Variants in AKAP9 observed in about 807,000 individuals in gnomAD.
AKAP9 encodes A-kinase anchoring protein 9.
In AKAP9, 311 loss-of-function variants were observed where a neutral mutation model predicts 488.5. The ratio of observed to expected loss-of-function variants is 0.64; its 90% CI spans 0.58 to 0.70. The LOEUF (loss-of-function observed/expected upper bound fraction) is 0.70. Among genes scored for constraint, AKAP9 ranks in the 30% least tolerant of loss-of-function variants. The pLI, the probability that AKAP9 is intolerant of heterozygous loss-of-function variation, is 0.00. For missense variants in AKAP9, 4,215 were observed against 4,374.5 expected (o/e 0.96, Z 1.03); for synonymous variants, 1,462 against 1,483.5 (o/e 0.99, Z 0.33).
rs1443327042 is a variant in AKAP9, at chr7:92,100,881, G to A, written c.10922G>A (p.Gly3641Asp). 2 of 1,614,004 alleles carry A rather than the reference G, an allele frequency of 1.2e-6. No homozygotes were observed. Among genetic ancestry groups the A allele is most frequent in the African/African-American group, 1.3e-5 (1 of 74,912 alleles). ...TCTTCCAGGTTTTCATTGAATGGTG[G>A]TGCCAACATTGAAGCCATCATTGCC... ...DNSSRFSLNG[G>D]ANIEAIIASE... Residue 3641 changes from glycine (G) to aspartate (D), a missense_variant, in exon 45 of 50, where the codon GGT becomes GAT. Gly to Asp is a moderately conservative substitution (Grantham distance 94). Transcript: ENST00000356239.
At chr7:92,082,393 G>T in intron 31 of AKAP9, 129 bp from the exon 32 acceptor site, 2 of 934,440 alleles carry the variant, frequency 2.1e-6, no homozygotes, top group Non-Finnish European at 3.3e-6. Context: ...AAAGAGCATT[G>T]ATTTGTTCCA....
intron 3 of AKAP9, among the ~76,000 whole-genome samples, chr7:91,980,796 G>A (rs999656981): frequency 2.6e-5 from 4 of 151,818 alleles, no homozygotes; most frequent in Non-Finnish European, 4.4e-5. Context: ...TAAAGGTATT[G>A]TCCACTTTAG....
chr7:92,102,173 A>T (rs1276567081), intron 45 of AKAP9, among the ~76,000 whole-genome samples: 1 of 116,676 alleles, frequency 8.6e-6, no homozygotes, highest in Non-Finnish European at 1.8e-5. Flanking sequence ...TAAAAAAAAA[A>T]TAAATAAATA....
Position 92,065,269 on chromosome 7 carries a change from C to G in AKAP9, c.6016C>G (p.Leu2006Val). 1 of 1,611,656 alleles carries G rather than the reference C, an allele frequency of 6.2e-7. No homozygotes were observed. Among genetic ancestry groups the G allele is most frequent in the Non-Finnish European group, 8.5e-7 (1 of 1,178,916 alleles). ...GACAGAAAAATTAATGAAGGAAAAA[C>G]TAGAAGTACAATGTCAAGCTGAAAA... is the stretch of plus-strand genomic sequence containing the variant. ...QETEKLMKEK[L>V]EVQCQAEKVR... Residue 2006 changes from leucine (L) to valine (V), a missense_variant, in exon 25 of 50, where the codon CTA becomes GTA. Around this residue, in one of 5 missense-constraint regions of AKAP9, gnomAD observed 2,361 missense variants for 2,430.0 expected, o/e 0.97. Transcript: ENST00000356239.
At chr7:92,009,891 T>C (rs1054964865) in intron 8 of AKAP9, among the ~76,000 whole-genome samples, 8 of 152,180 alleles carry the variant, frequency 5.3e-5, no homozygotes, top group African/African-American at 1.9e-4. Flanking sequence ...TATTTTGTTT[T>C]GTTTTTGAGA....
chr7:92,082,722 A>G, intron 32 of AKAP9, 60 bp downstream of exon 32: 1 of 1,559,476 alleles, frequency 6.4e-7, no homozygotes, highest in Admixed American at 1.7e-5. Flanking sequence ...TTACGTTTCA[A>G]AGTATATACT....
At chr7:92,027,174 C>CAT (rs1803362205) in intron 14 of AKAP9, among the ~76,000 whole-genome samples, 3 of 142,764 alleles carry the variant, frequency 2.1e-5, no homozygotes, top group African/African-American at 7.9e-5. Flanking sequence ...CCCAGCTGCC[C>CAT]CGTCTGGGAA....
intron 1 of AKAP9, among the ~76,000 whole-genome samples, chr7:91,941,872 C>T (rs1046316818): frequency 1.6e-5 from 2 of 123,952 alleles, no homozygotes; most frequent in Admixed American, 8.8e-5. Context: ...ATCTCTCTGG[C>T]GAATCCTGGT....
At chr7:92,040,379 C>G (rs1805865396) in intron 17 of AKAP9, among the ~76,000 whole-genome samples, 1 of 151,962 alleles carries the variant, frequency 6.6e-6, no homozygotes, top group African/African-American at 2.4e-5. Context: ...TAGAAGGAAT[C>G]TTAAGTATCT....
rs1195590624 is a variant in AKAP9 at position 92,018,441 on chromosome 7, C to CAG, written c.3837+1343_3837+1344dup. On this transcript the variant is annotated intron_variant, in intron 12 of 49. Transcript: ENST00000356239. ...ACACACACACACACACACACACACACAGAGAAATATTCAAAACTAAATGTT... is the reference window on the plus strand; with the variant it reads ...ACACACACACACACACACACACACACAGAGAGAAATATTCAAAACTAAATGTT... 2.1e-3 allele frequency among the ~76,000 whole-genome samples: 130 copies of CAG among 60,558 alleles called. 1 individual carries two copies. Among genetic ancestry groups the CAG allele is most frequent in the Non-Finnish European group, 3.6e-3 (93 of 25,658 alleles). The allele number at this position is 60,558 out of a possible 152,430, so 39.7% of individuals were successfully genotyped here.
intron 18 of AKAP9, chr7:92,041,099 G>T: frequency 1.9e-6 from 1 of 527,960 alleles, no homozygotes; most frequent in Non-Finnish European, 3.3e-6. Context: ...ATCTTGTTAG[G>T]GACACCTATC....
chr7:92,057,187 A>G (rs1808932736), intron 22 of AKAP9, among the ~76,000 whole-genome samples: 1 of 152,106 alleles, frequency 6.6e-6, no homozygotes, highest in African/African-American at 2.4e-5. Flanking sequence ...GTTATAACTG[A>G]AATGTCTATA....
At chr7:91,992,389 C>T (rs556374274) in intron 4 of AKAP9, among the ~76,000 whole-genome samples, 178 bp downstream of exon 4, 8 of 152,120 alleles carry the variant, frequency 5.3e-5, no homozygotes, top group South Asian at 2.1e-4. Flanking sequence ...GTAGGCCAGG[C>T]GTGGTGGCTT....
At chr7:91,944,301 C>CT (rs1460226255) in intron 1 of AKAP9, among the ~76,000 whole-genome samples, 2 of 151,770 alleles carry the variant, frequency 1.3e-5, no homozygotes, top group Non-Finnish European at 2.9e-5. Flanking sequence ...TGGGTGGTGG[C>CT]TTATAGGCAA....
intron 28 of AKAP9, among the ~76,000 whole-genome samples, chr7:92,076,475 C>G (rs1385105994): frequency 6.6e-6 from 1 of 152,168 alleles, no homozygotes; most frequent in Non-Finnish European, 1.5e-5. Context: ...ACAAACAGTT[C>G]TACAACTTTT....
rs575518454 is a variant in AKAP9, at chr7:92,099,719, C to T, written c.10746C>T (p.Gly3582=). 1.2e-6 allele frequency: 2 copies of T among 1,614,024 alleles called. No homozygotes were observed. The highest frequency in any genetic ancestry group is 2.2e-5 in the East Asian group (1 of 44,868). ...PSLVSPSTSC[G]SLTERLLRQN... The stretch of plus-strand genomic sequence containing the variant: ...TGGTGTCCCCAAGTACTTCTTGTGG[C>T]TCATTGACTGAAAGACTACTGAGAC... Residue 3582 remains glycine (G), a synonymous_variant, in exon 44 of 50, where the codon GGC becomes GGT. Coordinates refer to ENST00000356239, the MANE Select transcript of AKAP9 (RefSeq NM_005751.5).
At chr7:91,955,743 C>T (rs1792904753) in intron 1 of AKAP9, among the ~76,000 whole-genome samples, 2 of 152,170 alleles carry the variant, frequency 1.3e-5, no homozygotes, top group South Asian at 4.1e-4. Context: ...AAGTGATTCT[C>T]CTGCCTCAGC....
chr7:91,941,134 C>G lies in AKAP9; in HGVS notation c.35C>G (p.Ala12Gly). The change falls in exon 1 of 50, where the codon GCC becomes GGC. Residue 12 changes from alanine (A) to glycine (G), a missense_variant. This residue lies in a region of AKAP9 where 2,361 missense variants were observed against 2,430.0 expected (regional missense o/e 0.97). Coordinates refer to ENST00000356239, the MANE Select transcript of AKAP9 (RefSeq NM_005751.5). ...EDEERQKKLE[A>G]GKAKLAQFRQ... is the part of the protein sequence containing the mutation. Reference sequence around the variant, plus strand: ...GAGGAGAGACAGAAGAAGCTGGAGGCCGGCAAAGCCAAGGTAGGAGAGCCC... The same window carrying G: ...GAGGAGAGACAGAAGAAGCTGGAGGGCGGCAAAGCCAAGGTAGGAGAGCCC... 2 of 1,614,054 alleles carry G rather than the reference C, an allele frequency of 1.2e-6. No individual in the cohort carries two copies. The highest frequency in any genetic ancestry group is 1.1e-5 in the South Asian group (1 of 91,084).
intron 46 of AKAP9, among the ~76,000 whole-genome samples, chr7:92,105,023 A>G (rs1384318358): frequency 6.6e-6 from 1 of 151,274 alleles, no homozygotes; most frequent in Non-Finnish European, 1.5e-5. Flanking sequence ...ACTCTGCCCC[A>G]CTTTTTCTTA....
Sources: gnomAD v4.1 joint callset for allele counts (sites outside exome capture counted in the v4.1 genomes callset) on GRCh38, gnomAD v4.1.1 for gene constraint, gnomAD v4.1.1 regional missense constraint, MANE v1.5 for transcripts, NCBI Gene and HGNC (gene_info 2026-07-23, HGNC 2026-07-21) for gene names.